LRP2: variants seen among roughly 807,000 people sequenced by gnomAD.
LRP2 encodes the protein low-density lipoprotein receptor-related protein 2.
A neutral mutation model predicts 531.0 loss-of-function variants in LRP2; 172 were observed. That is an observed-to-expected ratio of 0.32 (90% CI 0.29 to 0.37). The LOEUF (loss-of-function observed/expected upper bound fraction) is 0.37. Ranked by LOEUF, LRP2 falls within the 10% of genes least tolerant of loss-of-function variation. The pLI is 1.00. For synonymous variants in LRP2, 1,992 were observed against 2,027.6 expected (o/e 0.98, Z 0.47); for missense variants, 5,167 against 5,868.3 (o/e 0.88, Z 3.90).
At chr2:169,349,256 C>T (rs927249427) in intron 1 of LRP2, among the ~76,000 whole-genome samples, 2 of 152,020 alleles carry the variant, frequency 1.3e-5, no homozygotes, top group African/African-American at 4.8e-5. Context: ...TCAGAGAAGG[C>T]CACACTGAGA....
intron 16 of LRP2, among the ~76,000 whole-genome samples, chr2:169,265,014 A>C (rs1690738363): frequency 6.6e-6 from 1 of 152,026 alleles, no homozygotes; most frequent in South Asian, 2.1e-4. Flanking sequence ...GCCCACTCCC[A>C]GAACAGACCA....
chr2:169,135,345 A>T (rs901626183), intron 76 of LRP2, among the ~76,000 whole-genome samples: 8 of 152,168 alleles, frequency 5.3e-5, no homozygotes, highest in African/African-American at 1.9e-4. Flanking sequence ...TCAGGAAACT[A>T]AAATACCTCT....
chr2:169,288,879 C>A (rs1161752768), intron 9 of LRP2, 147 bp downstream of exon 9: 1 of 1,252,756 alleles, frequency 8.0e-7, no homozygotes, highest in East Asian at 2.4e-5. Context: ...TCCCTATTTG[C>A]CAGGTTTTCT....
rs78031249 is a variant in LRP2, at chr2:169,165,868, T to C, written c.11758+64A>G. ...AACAAACTGAAATCCCAGAGGCACA[T>C]TTTCCAAACTGCAGACCACTTGGGG... On this transcript the variant is annotated intron_variant, in intron 62 of 78. Coordinates refer to ENST00000649046, the MANE Select transcript of LRP2 (RefSeq NM_004525.3). 528 of 1,605,964 alleles carry C rather than the reference T, an allele frequency of 3.3e-4. 4 individuals are homozygous for C. In the East Asian group the frequency reaches 0.011, roughly 34 times the overall value.
intron 1 of LRP2, among the ~76,000 whole-genome samples, chr2:169,361,404 C>CTCTCTGT: frequency 7.0e-6 from 1 of 142,508 alleles, no homozygotes; most frequent in Non-Finnish European, 1.6e-5. Context: ...CTGTCTCTCT[C>CTCTCTGT]CTCTCTCTCC....
At chr2:169,155,201 G>A (rs1686287323) in intron 65 of LRP2, among the ~76,000 whole-genome samples, 1 of 152,118 alleles carries the variant, frequency 6.6e-6, no homozygotes. Flanking sequence ...AATTTGTTAA[G>A]TTTAATTTAC....
At position 169,313,947 on chromosome 2, in the gene LRP2, C is replaced by G. The variant is rs140816020; in HGVS notation, c.310+4815G>C. ...CTATTTTAGAGTCCATAGATATCAG[C>G]GTTCTGCAAAACTGTCAGGGATCCG... On this transcript the variant is annotated intron_variant, in intron 3 of 78. Transcript: ENST00000649046. Among the ~76,000 whole-genome samples the G allele has an allele frequency of 2.0e-5, 3 of 152,296 alleles. No homozygotes were observed. The East Asian group carries it at 5.8e-4, about 29-fold the overall frequency.
intron 1 of LRP2, among the ~76,000 whole-genome samples, chr2:169,339,890 T>G (rs1328157612): frequency 7.9e-5 from 12 of 152,180 alleles, no homozygotes; most frequent in South Asian, 2.1e-4. Flanking sequence ...CAACCCTCAG[T>G]AAAGAGAATT....
intron 26 of LRP2, among the ~76,000 whole-genome samples, chr2:169,239,145 A>T (rs1291857695): frequency 6.6e-6 from 1 of 152,178 alleles, no homozygotes; most frequent in Non-Finnish European, 1.5e-5. Context: ...TCAATATCCT[A>T]ATACATAGTA....
At chr2:169,267,536 A>G (rs1171997922) in intron 16 of LRP2, among the ~76,000 whole-genome samples, 1 of 152,172 alleles carries the variant, frequency 6.6e-6, no homozygotes, top group African/African-American at 2.4e-5. Flanking sequence ...AGGCAGAAAT[A>G]AAGACGTTCT....
chr2:169,265,150 G>T (rs1312953001), intron 16 of LRP2, among the ~76,000 whole-genome samples: 1 of 151,818 alleles, frequency 6.6e-6, no homozygotes, highest in Non-Finnish European at 1.5e-5. Context: ...GAAGGAGAAT[G>T]AAGGCATCTA....
intron 48 of LRP2, among the ~76,000 whole-genome samples, chr2:169,188,658 C>G (rs1170058497): frequency 6.6e-6 from 1 of 152,070 alleles, no homozygotes; most frequent in Non-Finnish European, 1.5e-5. Context: ...ATCTATGAGA[C>G]AGCTTATGAA....
At chr2:169,333,790 A>G (rs1227992579) in intron 1 of LRP2, among the ~76,000 whole-genome samples, 1 of 152,122 alleles carries the variant, frequency 6.6e-6, no homozygotes, top group Non-Finnish European at 1.5e-5. Flanking sequence ...ACTTCAGAAC[A>G]TGCCTCACCA....
chr2:169,163,231 G>C (rs1237657349), intron 62 of LRP2, among the ~76,000 whole-genome samples: 1 of 152,152 alleles, frequency 6.6e-6, no homozygotes, highest in East Asian at 1.9e-4. Context: ...GTCAATCATG[G>C]AGCGAGGTTA....
At chr2:169,136,228 T>G (rs4264540) in intron 76 of LRP2, among the ~76,000 whole-genome samples, 116,780 of 151,300 alleles carry the variant, frequency 0.77, 45,345 homozygotes, top group Middle Eastern at 0.82. Context: ...TTCAGCTTAA[T>G]CTCTCCCACT....
chr2:169,205,456 C>T (rs771767855), intron 41 of LRP2, 23 bp downstream of exon 41: 3 of 1,613,882 alleles, frequency 1.9e-6, no homozygotes, highest in Non-Finnish European at 2.5e-6. Context: ...TTAACACCCA[C>T]ATGAGTAACC....
chr2:169,181,169 T>C lies in LRP2; in HGVS notation c.10169+279A>G, dbSNP rs1219836456. ...GAGTTGCACACTGAGCTGACTACCA[T>C]GGGGAGAGATTATTAGCCCCATTTT... On this transcript the variant is annotated intron_variant, in intron 52 of 78. Coordinates refer to ENST00000649046, the MANE Select transcript of LRP2 (RefSeq NM_004525.3). Among the ~76,000 whole-genome samples the C allele has an allele frequency of 2.0e-5, 3 of 152,166 alleles. 1 individual carries two copies. The East Asian group carries it at 5.8e-4, about 29-fold the overall frequency.
chr2:169,356,896 AT>A (rs1373305230), intron 1 of LRP2, among the ~76,000 whole-genome samples: 3 of 152,198 alleles, frequency 2.0e-5, no homozygotes, highest in Non-Finnish European at 4.4e-5. Flanking sequence ...ACTGCAGTCC[AT>A]TTTAATTGCG....
intron 76 of LRP2, among the ~76,000 whole-genome samples, chr2:169,135,800 T>C (rs1230460840): frequency 6.6e-6 from 1 of 152,144 alleles, no homozygotes; most frequent in Non-Finnish European, 1.5e-5. Context: ...CAACTTGGAC[T>C]GCACCCCAAA....
Sources: gnomAD v4.1 joint callset for allele counts (sites outside exome capture counted in the v4.1 genomes callset) on GRCh38, gnomAD v4.1.1 for gene constraint, MANE v1.5 for transcripts, NCBI Gene and HGNC (gene_info 2026-07-23, HGNC 2026-07-21) for gene names.